The following CCDC191 variants were observed in gnomAD, a reference collection of about 807,000 sequenced individuals.
CCDC191 encodes coiled-coil domain-containing protein 191.
Under a neutral mutation model 114.0 loss-of-function variants are expected in CCDC191, and 99 were observed. The ratio of observed to expected loss-of-function variants is 0.87; its 90% CI spans 0.74 to 1.03. The LOEUF (loss-of-function observed/expected upper bound fraction) is 1.03, where lower values mean the gene tolerates loss of function less well. Among genes scored for constraint, CCDC191 ranks in the 50% least tolerant of loss-of-function variants. The pLI, the probability that CCDC191 is intolerant of heterozygous loss-of-function variation, is 0.00. For synonymous variants in CCDC191, 351 were observed against 376.0 expected, an observed-to-expected ratio of 0.93 and a Z score of 0.77; for missense variants, 973 against 1,087.0, an observed-to-expected ratio of 0.90 and a Z score of 1.47.
At chr3:114,033,175 G>A (rs2076433214) in intron 6 of CCDC191, among the ~76,000 whole-genome samples, 1 of 151,016 alleles carries the variant, frequency 6.6e-6, no homozygotes, top group South Asian at 2.1e-4. Flanking sequence ...TCGGCTCACT[G>A]CAACCTCTGC....
At chr3:114,002,650 T>G in intron 11 of CCDC191, 112 bp from the exon 12 acceptor site, 1 of 1,260,426 alleles carries the variant, frequency 7.9e-7, no homozygotes, top group Non-Finnish European at 1.1e-6. Context: ...ATTAGGGTTT[T>G]CTTGTAAGTT....
chr3:114,041,534 C>T (rs757813271), intron 4 of CCDC191, among the ~76,000 whole-genome samples: 5 of 152,150 alleles, frequency 3.3e-5, no homozygotes, highest in East Asian at 1.9e-4. Flanking sequence ...CTCCCAATCC[C>T]GGAAGGTGTT....
chr3:114,044,015 T>G (rs1312419262), intron 3 of CCDC191, among the ~76,000 whole-genome samples: 1 of 151,980 alleles, frequency 6.6e-6, no homozygotes, highest in Non-Finnish European at 1.5e-5. Context: ...CCAGACATGT[T>G]AGGTTTGAGA....
At chr3:113,998,796 T>C (rs1433033271) in intron 13 of CCDC191, among the ~76,000 whole-genome samples, 1 of 152,328 alleles carries the variant, frequency 6.6e-6, no homozygotes, top group East Asian at 1.9e-4. Flanking sequence ...TTTCCCTGCA[T>C]GCAGTGATTC....
rs370275908 is a variant in CCDC191, at chr3:114,036,636, C to T, written c.566G>A (p.Arg189His). The T allele has an allele frequency of 7.5e-6, 12 of 1,601,690 alleles. No homozygotes were observed. The highest frequency in any genetic ancestry group is 4.5e-5 in the South Asian group (4 of 89,568). Residue 189 changes from arginine to histidine, a missense_variant, in exon 5 of 17, where the codon CGT becomes CAT. Transcript: ENST00000295878. Reference sequence around the variant, plus strand: ...CTTATGTCTCATCTCCATGGTAAGACGAGGATCCTTCTGCTGCTTCTTGTC... The same window carrying T: ...CTTATGTCTCATCTCCATGGTAAGATGAGGATCCTTCTGCTGCTTCTTGTC... ...NQDKKQQKDPRLTMEMRHKQV... is the reference protein window; with the variant it reads ...NQDKKQQKDPHLTMEMRHKQV...
Position 114,056,328 on chromosome 3 carries a change from C to T in CCDC191, c.90+49G>A, listed in dbSNP as rs771005154. 3 of 1,584,484 alleles carry T rather than the reference C, an allele frequency of 1.9e-6. No individual in the cohort carries two copies. The East Asian group carries it at 6.7e-5, about 35-fold the overall frequency. On this transcript the variant is annotated intron_variant, in intron 1 of 16. Transcript: ENST00000295878. ...GGCCGCGACTGGCTTCCTGACTGCG[C>T]CGCGCCTTGGGAAAGTCCCCGCCCT...
intron 16 of CCDC191, among the ~76,000 whole-genome samples, chr3:113,967,816 G>T (rs1472742820): frequency 6.6e-6 from 1 of 151,906 alleles, no homozygotes; most frequent in Non-Finnish European, 1.5e-5. Flanking sequence ...CCAGCCTCTG[G>T]TAACCACCAA....
At chr3:114,010,749 A>C (rs748165890) in intron 9 of CCDC191, 23 bp downstream of exon 9, 6 of 1,582,778 alleles carry the variant, frequency 3.8e-6, no homozygotes, top group Non-Finnish European at 5.2e-6. Context: ...GCAAGTGTTT[A>C]CTAAGCAGGA....
intron 13 of CCDC191, among the ~76,000 whole-genome samples, chr3:113,996,779 C>G (rs906346525): frequency 4.0e-5 from 6 of 151,084 alleles, no homozygotes; most frequent in African/African-American, 1.5e-4. Flanking sequence ...GAACAGAAAA[C>G]CAAAAACTGC....
intron 3 of CCDC191, among the ~76,000 whole-genome samples, chr3:114,044,335 G>C (rs1368981649): frequency 6.6e-6 from 1 of 152,044 alleles, no homozygotes; most frequent in Admixed American, 6.5e-5. Flanking sequence ...ACCTCCATTT[G>C]GATTTCTTTC....
In CCDC191 at chr3:114,034,919, G is replaced by A; in HGVS notation, c.818+6C>T. The A allele has an allele frequency of 6.2e-7, 1 of 1,612,678 alleles. No individual in the cohort carries two copies. On this transcript the variant is annotated splice_donor_region_variant and intron_variant, in intron 6 of 16. Transcript: ENST00000295878. Reference sequence around the variant, plus strand: ...AAACCCCACAGTGCTTATCACACTGGCTTACATTTTCCATGCTGCTTTCAC... The same window carrying A: ...AAACCCCACAGTGCTTATCACACTGACTTACATTTTCCATGCTGCTTTCAC...
Position 114,035,130 on chromosome 3 carries a change from T to G in CCDC191, c.613A>C (p.Arg205=). 6.2e-7 allele frequency: 1 copy of G among 1,612,990 alleles called. No homozygotes were observed. The highest frequency in any genetic ancestry group is 8.5e-7 in the Non-Finnish European group (1 of 1,179,682). ...TGGTACTCCAGTTCTTTCTCACGTCTTAAGCGATTTTCTTTTACCTTAAAG... is the reference window on the plus strand; with the variant it reads ...TGGTACTCCAGTTCTTTCTCACGTCGTAAGCGATTTTCTTTTACCTTAAAG... The part of the protein sequence containing the change: ...RHKQVKENRL[R]REKELEYQRI... The change falls in exon 6 of 17, where the codon AGA becomes CGA. Residue 205 remains arginine (R), a synonymous_variant. Coordinates refer to ENST00000295878, the MANE Select transcript of CCDC191 (RefSeq NM_020817.2).
At chr3:113,983,893 CA>C (rs1204314808) in intron 13 of CCDC191, 10 of 152,202 alleles carry the variant, frequency 6.6e-5, no homozygotes, top group East Asian at 1.9e-4. Flanking sequence ...AATAAACATA[CA>C]GGGGGGTGTT....
chr3:113,968,453 T>TCC lies in CCDC191; in HGVS notation c.2607-3096_2607-3095dup, dbSNP rs372382397. Among the ~76,000 whole-genome samples, 105 of 151,178 alleles carry TCC rather than the reference T, an allele frequency of 6.9e-4. 1 individual carries two copies. The highest frequency in any genetic ancestry group is 2.4e-3 in the African/African-American group (100 of 41,158). ...TTTTGAGAAATGTCTATTTAGATCT[T>TCC]CCCCCCCCTTTTTTTTTTAGGGCGT... On this transcript the variant is annotated intron_variant, in intron 16 of 16. Coordinates refer to ENST00000295878, the MANE Select transcript of CCDC191 (RefSeq NM_020817.2).
intron 2 of CCDC191, among the ~76,000 whole-genome samples, chr3:114,052,712 G>T (rs2076712596): frequency 6.6e-6 from 1 of 152,200 alleles, no homozygotes; most frequent in Non-Finnish European, 1.5e-5. Context: ...CAGTGGGCTA[G>T]TACTTAGTAG....
intron 16 of CCDC191, among the ~76,000 whole-genome samples, chr3:113,966,653 T>C (rs1440890528): frequency 1.3e-5 from 2 of 152,196 alleles, no homozygotes; most frequent in African/African-American, 4.8e-5. Context: ...TAGTTAAGCT[T>C]ATATTTTCAC....
In CCDC191 at chr3:114,056,437, G is replaced by A. The variant is rs75378787; in HGVS notation, c.30C>T (p.Phe10=). ...GATTCAGCCCCATCCTTTTCTTTGA[G>A]AAGGACCTTCCCTGAGGCGCCAGGA... is the stretch of plus-strand genomic sequence containing the variant. MLLAPQGRS[F]SKKRMGLNRW... Residue 10 remains phenylalanine (F), a synonymous_variant, in exon 1 of 17, where the codon TTC becomes TTT. Coordinates refer to ENST00000295878, the MANE Select transcript of CCDC191 (RefSeq NM_020817.2). 3 of 1,614,152 alleles carry A rather than the reference G, an allele frequency of 1.9e-6. No homozygotes were observed. The highest frequency in any genetic ancestry group is 2.5e-6 in the Non-Finnish European group (3 of 1,180,022).
Position 114,053,598 on chromosome 3 carries a change from T to C in CCDC191, c.128A>G (p.Lys43Arg). Residue 43 changes from lysine to arginine, a missense_variant and splice_region_variant, in exon 2 of 17, where the codon AAG becomes AGG. Lys to Arg is a conservative substitution (Grantham distance 26). Coordinates refer to ENST00000295878, the MANE Select transcript of CCDC191 (RefSeq NM_020817.2). ...ATTCTAAATTTGAAATATCCTTACC[T>C]TTATCCAGTGTTCCACACTGTCAGG... ...FGPDSVEHWI[K>R]RVEKASEFAV... The C allele has an allele frequency of 6.4e-7, 1 of 1,572,422 alleles. No individual in the cohort carries two copies. The highest frequency in any genetic ancestry group is 8.7e-7 in the Non-Finnish European group (1 of 1,146,410).
intron 13 of CCDC191, among the ~76,000 whole-genome samples, chr3:114,000,112 G>A (rs146196406): frequency 6.6e-6 from 1 of 151,518 alleles, no homozygotes; most frequent in East Asian, 1.9e-4. Flanking sequence ...TATACCATGG[G>A]GTGCTAGATT....
Sources: gnomAD v4.1 joint callset for allele counts (sites outside exome capture counted in the v4.1 genomes callset) on GRCh38, gnomAD v4.1.1 for gene constraint, MANE v1.5 for transcripts, NCBI Gene and HGNC (gene_info 2026-07-23, HGNC 2026-07-21) for gene names.